PPFIA2: variants seen among roughly 807,000 people sequenced by gnomAD.
PPFIA2 encodes the protein liprin-alpha-2.
Under a neutral mutation model 175.5 loss-of-function variants are expected in PPFIA2, and 46 were observed. The ratio of observed to expected loss-of-function variants is 0.26; its 90% CI spans 0.21 to 0.34. The LOEUF (loss-of-function observed/expected upper bound fraction) is 0.34, where lower values mean the gene tolerates loss of function less well. PPFIA2 is among the 10% of genes least tolerant of loss of function. The pLI, the probability that PPFIA2 is intolerant of heterozygous loss-of-function variation, is 1.00. For missense variants in PPFIA2, 1,179 were observed against 1,506.1 expected (o/e 0.78, Z 3.60); for synonymous variants, 568 against 511.4 (o/e 1.11, Z -1.49).
intron 3 of PPFIA2, among the ~76,000 whole-genome samples, chr12:81,693,082 C>A (rs148039651): frequency 1.1e-4 from 16 of 152,098 alleles, no homozygotes; most frequent in Admixed American, 1.0e-3. Flanking sequence ...ATATCTCTGA[C>A]CACATAATGA....
chr12:81,350,955 C>G (rs1205410051), intron 17 of PPFIA2, among the ~76,000 whole-genome samples: 4 of 152,092 alleles, frequency 2.6e-5, no homozygotes, highest in South Asian at 2.1e-4. Context: ...ATTGAAAAAA[C>G]AAGTTAAGAA....
intron 4 of PPFIA2, among the ~76,000 whole-genome samples, chr12:81,592,815 GTGCGATCTTGGCTCACTGCAACCTC>G (rs67319859): frequency 0.71 from 106,903 of 151,576 alleles, 37,808 homozygotes; most frequent in East Asian, 0.77. Context: ...GAATTCACTG[GTGCGATCTTGGCTCACTGCAACCTC>G]TGCATCCCAG....
chr12:81,698,362 T>G (rs2076120007), intron 3 of PPFIA2, among the ~76,000 whole-genome samples: 1 of 152,076 alleles, frequency 6.6e-6, no homozygotes, highest in Admixed American at 6.6e-5. Context: ...AGCCCCCTCA[T>G]GCTCTCACTC....
chr12:81,637,070 T>A (rs1051105172), intron 4 of PPFIA2, among the ~76,000 whole-genome samples: 1 of 150,140 alleles, frequency 6.7e-6, no homozygotes, highest in African/African-American at 2.5e-5. Flanking sequence ...CTCTATATCT[T>A]TTTTTTTTCT....
chr12:81,368,062 G>T, intron 13 of PPFIA2: 1 of 1,234,732 alleles, frequency 8.1e-7, no homozygotes, highest in South Asian at 1.3e-5. Flanking sequence ...ATTCAATCTA[G>T]ATTTCTAAAA....
intron 3 of PPFIA2, among the ~76,000 whole-genome samples, chr12:81,732,513 TAAAAAAA>T (rs60761301): frequency 4.5e-5 from 6 of 133,994 alleles, no homozygotes; most frequent in African/African-American, 1.7e-4. Context: ...TGTTTTTTTT[TAAAAAAA>T]AAAAAAAAAC....
chr12:81,384,787 T>C (rs910668227), intron 8 of PPFIA2, among the ~76,000 whole-genome samples: 1 of 152,146 alleles, frequency 6.6e-6, no homozygotes, highest in Non-Finnish European at 1.5e-5. Context: ...GGAACAAACA[T>C]ATAGTATAGA....
At chr12:81,381,273 G>A (rs1289131709) in intron 9 of PPFIA2, among the ~76,000 whole-genome samples, 1 of 152,118 alleles carries the variant, frequency 6.6e-6, no homozygotes, top group Non-Finnish European at 1.5e-5. Context: ...AATTCCACAT[G>A]AAAGGAGAAC....
chr12:81,437,852 A>G (rs918700282), intron 7 of PPFIA2, among the ~76,000 whole-genome samples: 1 of 151,942 alleles, frequency 6.6e-6, no homozygotes, highest in Admixed American at 6.6e-5. Flanking sequence ...TCTTTCAAAG[A>G]CTGTGTACTC....
chr12:81,497,530 CTTTTT>C (rs34030284), intron 4 of PPFIA2, among the ~76,000 whole-genome samples: 2 of 66,184 alleles, frequency 3.0e-5, no homozygotes, highest in African/African-American at 5.5e-5. Context: ...TCATTGATGT[CTTTTT>C]TTTTTTTTTT....
At chr12:81,268,485 C>CT (rs1218425410) in intron 28 of PPFIA2, among the ~76,000 whole-genome samples, 1 of 152,182 alleles carries the variant, frequency 6.6e-6, no homozygotes, top group Non-Finnish European at 1.5e-5. Flanking sequence ...CCATGGGTAT[C>CT]TGGCCAGGTC....
At chr12:81,685,458 G>A (rs544779755) in intron 3 of PPFIA2, among the ~76,000 whole-genome samples, 35 of 152,128 alleles carry the variant, frequency 2.3e-4, no homozygotes, top group African/African-American at 8.4e-4. Context: ...TTTACTTTGA[G>A]TATAGGCCAG....
In PPFIA2 at chr12:81,507,085, T is replaced by C. The variant is rs549284781; in HGVS notation, c.304-49219A>G. On this transcript the variant is annotated intron_variant, in intron 4 of 32. Transcript: ENST00000549396. ...TAGTTATTCAAATAGTATTTTTTTT[T>C]CTATGGTTCAGATGAGCAATGCTGG... Among the ~76,000 whole-genome samples the C allele has an allele frequency of 5.7e-4, 87 of 152,314 alleles. No individual in the cohort carries two copies. The South Asian group carries it at 0.015, about 27-fold the overall frequency.
At chr12:81,580,643 C>G (rs1055052741) in intron 4 of PPFIA2, among the ~76,000 whole-genome samples, 2 of 151,458 alleles carry the variant, frequency 1.3e-5, no homozygotes, top group African/African-American at 4.8e-5. Context: ...TATAACTTCT[C>G]TCTACCAAAT....
intron 22 of PPFIA2, among the ~76,000 whole-genome samples, chr12:81,323,406 C>T (rs2054099746): frequency 6.6e-6 from 1 of 151,906 alleles, no homozygotes; most frequent in African/African-American, 2.4e-5. Context: ...CTGTAGTGCT[C>T]AACATTATGA....
At position 81,598,304 on chromosome 12, in the gene PPFIA2, G is replaced by A. The variant is rs912224977; in HGVS notation, c.303+78487C>T. The A allele has an allele frequency of 5.9e-6, 7 of 1,193,424 alleles. No individual in the cohort carries two copies. The African/African-American group carries it at 1.1e-4, about 19-fold the overall frequency. 73.9% of individuals were successfully genotyped at this position (1,193,424 alleles called of 1,614,324 possible). A position where few individuals can be genotyped will look rare whatever the true frequency, so the allele number is the denominator to read the frequency against. On this transcript the variant is annotated intron_variant, in intron 4 of 32. Transcript: ENST00000549396. ...AAATTAAAAACACAGAAGGAAAAAA[G>A]CAAGAACCAACGATAAATGGAGCTT... is the stretch of plus-strand genomic sequence containing the variant.
intron 4 of PPFIA2, among the ~76,000 whole-genome samples, chr12:81,642,958 TAC>T (rs1156960477): frequency 6.6e-5 from 6 of 90,872 alleles, no homozygotes; most frequent in South Asian, 4.3e-4. Flanking sequence ...ATATGTAATA[TAC>T]ACACATATAT....
chr12:81,737,424 G>A (rs1390309580), intron 3 of PPFIA2, among the ~76,000 whole-genome samples: 1 of 151,826 alleles, frequency 6.6e-6, no homozygotes, highest in Non-Finnish European at 1.5e-5. Flanking sequence ...TGTTTTTCCA[G>A]ACATCTGGCC....
At chr12:81,666,056 A>G (rs1164606308) in intron 4 of PPFIA2, among the ~76,000 whole-genome samples, 2 of 152,102 alleles carry the variant, frequency 1.3e-5, no homozygotes, top group African/African-American at 4.8e-5. Flanking sequence ...CAAAACCACA[A>G]TGAGATACCA....
Sources: gnomAD v4.1 joint callset for allele counts (sites outside exome capture counted in the v4.1 genomes callset) on GRCh38, gnomAD v4.1.1 for gene constraint, MANE v1.5 for transcripts, NCBI Gene and HGNC (gene_info 2026-07-23, HGNC 2026-07-21) for gene names.